The following CLSPN variants were observed in gnomAD, a reference collection of about 807,000 sequenced individuals.
CLSPN encodes claspin homolog.
In CLSPN, 85 loss-of-function variants were observed where a neutral mutation model predicts 156.3. The ratio of observed to expected loss-of-function variants is 0.54; its 90% CI spans 0.46 to 0.65. The LOEUF (loss-of-function observed/expected upper bound fraction) is 0.65, where lower values mean the gene tolerates loss of function less well. Among genes scored for constraint, CLSPN ranks in the 30% least tolerant of loss-of-function variants. The probability of loss-of-function intolerance (pLI) is 0.00; values close to 1 mark genes in which losing one functional copy is unlikely to be tolerated. For synonymous variants in CLSPN, 534 were observed against 542.4 expected, an observed-to-expected ratio of 0.98 and a Z score of 0.22; for missense variants, 1,407 against 1,554.9, an observed-to-expected ratio of 0.90 and a Z score of 1.60.
intron 18 of CLSPN, among the ~76,000 whole-genome samples, chr1:35,740,521 T>C (rs1571196575): frequency 1.3e-5 from 2 of 151,504 alleles, no homozygotes; most frequent in South Asian, 4.2e-4. Flanking sequence ...TGGGTTCAAG[T>C]GATTCTCATG....
intron 8 of CLSPN, 114 bp from the exon 9 acceptor site, chr1:35,754,050 A>G: frequency 1.1e-6 from 1 of 883,892 alleles, no homozygotes; most frequent in Non-Finnish European, 1.7e-6. Flanking sequence ...CCACACATAC[A>G]CAGAGAAACC....
At position 35,745,559 on chromosome 1, in the gene CLSPN, G is replaced by C; in HGVS notation, c.2858C>G (p.Ala953Gly). The change falls in exon 16 of 25, where the codon GCC (alanine) becomes GGC (glycine). Residue 953 changes from alanine to glycine, a missense_variant. Ala to Gly is a moderately conservative substitution (Grantham distance 60). Around this residue, in one of 3 missense-constraint regions of CLSPN, gnomAD observed 1,096 missense variants for 1,193.0 expected, o/e 0.92. Transcript: ENST00000318121. ...TAACTCTGATGAGGCTGGAGTGGAGGCATCTACATCACAACAAGGAAAAGA... is the reference window on the plus strand; with the variant it reads ...TAACTCTGATGAGGCTGGAGTGGAGCCATCTACATCACAACAAGGAAAAGA... ...LCSGKFTSQDASTPASSELNK... is the reference protein window; with the variant it reads ...LCSGKFTSQDGSTPASSELNK... 6.2e-7 allele frequency: 1 copy of C among 1,602,180 alleles called. No homozygotes were observed. Among genetic ancestry groups the C allele is most frequent in the Non-Finnish European group, 8.6e-7 (1 of 1,169,196 alleles).
chr1:35,745,328 A>G (rs1351124831), intron 16 of CLSPN, 123 bp downstream of exon 16: 6 of 674,562 alleles, frequency 8.9e-6, no homozygotes, highest in African/African-American at 3.6e-5. Flanking sequence ...CTTACTAGGC[A>G]TATATGAGAC....
At chr1:35,761,499 C>A (rs1642476423) in intron 6 of CLSPN, among the ~76,000 whole-genome samples, 1 of 152,140 alleles carries the variant, frequency 6.6e-6, no homozygotes, top group South Asian at 2.1e-4. Flanking sequence ...ACAGTAGTCC[C>A]CGCTTATCCA....
chr1:35,720,606 G>A lies in CLSPN; in HGVS notation c.*285C>T, dbSNP rs764651133. ...CTGGGATTACAGGTGCATGCATCAC[G>A]TCAGCTAATTTTTGTATTTTTAGTA... On this transcript the variant is annotated 3_prime_UTR_variant, in exon 25 of 25. Coordinates refer to the CLSPN transcript ENST00000251195. The A allele has an allele frequency of 7.5e-5, 14 of 185,910 alleles. No individual in the cohort carries two copies. In the East Asian group the frequency reaches 1.2e-3, roughly 16 times the overall value. The allele number at this position is 185,910 out of a possible 1,614,324, so 11.5% of individuals were successfully genotyped here.
In CLSPN at chr1:35,748,017, G is replaced by C; in HGVS notation, c.2517C>G (p.Ser839=). 6.2e-7 allele frequency: 1 copy of C among 1,614,082 alleles called. No individual in the cohort carries two copies. Among genetic ancestry groups the C allele is most frequent in the Non-Finnish European group, 8.5e-7 (1 of 1,179,994 alleles). Reference sequence around the variant, plus strand: ...CTGGGGAGGCGTTATACAGATCCTGGGAATCCTCTATGGGAAGTGAAGGCT... The same window carrying C: ...CTGGGGAGGCGTTATACAGATCCTGCGAATCCTCTATGGGAAGTGAAGGCT... ...LSEPSLPIED[S]QDLYNASPEP... The change falls in exon 14 of 25, where the codon TCC becomes TCG. Residue 839 remains serine, a synonymous_variant. Transcript: ENST00000318121.
At chr1:35,768,060 G>A (rs547566481) in intron 1 of CLSPN, among the ~76,000 whole-genome samples, 12 of 152,246 alleles carry the variant, frequency 7.9e-5, no homozygotes, top group African/African-American at 2.9e-4. Flanking sequence ...GGCCTCAGCT[G>A]AGTGGTTTCT....
At chr1:35,758,535 C>T (rs1642361474) in intron 8 of CLSPN, among the ~76,000 whole-genome samples, 1 of 151,998 alleles carries the variant, frequency 6.6e-6, no homozygotes. Flanking sequence ...ATCCCAGCTA[C>T]TTGAGAGCCT....
Position 35,734,613 on chromosome 1 carries a change from G to A in CLSPN, c.*1883C>T. The A allele has an allele frequency of 4.7e-6, 2 of 428,808 alleles. No individual in the cohort carries two copies. The highest frequency in any genetic ancestry group is 6.2e-6 in the Non-Finnish European group (2 of 323,802). 26.6% of individuals were successfully genotyped at this position (428,808 alleles called of 1,614,324 possible). On this transcript the variant is annotated 3_prime_UTR_variant, in exon 25 of 25. Coordinates refer to ENST00000318121, the MANE Select transcript of CLSPN (RefSeq NM_022111.4). ...GAATTGCTTGAACCTAGGAGGCGGA[G>A]GTTGCAGTAAGCCGAGATCATGCCA...
In CLSPN at chr1:35,764,555, G is replaced by C. The variant is rs143114239; in HGVS notation, c.293C>G (p.Thr98Arg). 6.2e-7 allele frequency: 1 copy of C among 1,613,572 alleles called. No homozygotes were observed. Among genetic ancestry groups the C allele is most frequent in the Non-Finnish European group, 8.5e-7 (1 of 1,179,940 alleles). The part of the protein sequence containing the change: ...NKENLYAGKN[T>R]KIKRIYKTVA... ...AGTTTTGTAAATCCTTTTGATTTTT[G>C]TATTTTTCCCAGCATATAAATTCTC... is the stretch of plus-strand genomic sequence containing the variant. Residue 98 changes from threonine (T) to arginine (R), a missense_variant, in exon 3 of 25, where the codon ACA becomes AGA. Physicochemically the swap from Thr to Arg is moderately conservative, Grantham distance 71 (BLOSUM62 -1). Coordinates refer to ENST00000318121, the MANE Select transcript of CLSPN (RefSeq NM_022111.4).
Position 35,732,365 on chromosome 1 carries a change from A to G in CLSPN, c.*4131T>C. 3.0e-6 allele frequency: 3 copies of G among 985,344 alleles called. No homozygotes were observed. Among genetic ancestry groups the G allele is most frequent in the Non-Finnish European group, 3.6e-6 (3 of 829,908 alleles). The allele number at this position is 985,344 out of a possible 1,614,324, so 61.0% of individuals were successfully genotyped here. ...ATAAAAACCAAAAACACCCCCTAAAAAGTCTCCCAGCCTGAGCATTAGAAA... is the reference window on the plus strand; with the variant it reads ...ATAAAAACCAAAAACACCCCCTAAAGAGTCTCCCAGCCTGAGCATTAGAAA... On this transcript the variant is annotated 3_prime_UTR_variant, in exon 25 of 25. Coordinates refer to ENST00000318121, the MANE Select transcript of CLSPN (RefSeq NM_022111.4).
chr1:35,752,339 C>A (rs1400812137), intron 9 of CLSPN, among the ~76,000 whole-genome samples: 3 of 151,936 alleles, frequency 2.0e-5, no homozygotes, highest in Non-Finnish European at 4.4e-5. Context: ...CAGCACTTTG[C>A]GGGGCCAAGG....
Position 35,726,152 on chromosome 1 carries a change from C to CAAAAAAAAAAAAAAAAAAAA in CLSPN, c.3910-5192_3910-5173dup, listed in dbSNP as rs3041363. On this transcript the variant is annotated intron_variant, in intron 24 of 24. Coordinates refer to the CLSPN transcript ENST00000251195. ...ACACACCCATAGAAACAGATGCAGA[C>CAAAAAAAAAAAAAAAAAAAA]AAAAAAAAAAAAAAAAAAAAAAAGC... is the stretch of plus-strand genomic sequence containing the variant. Among the ~76,000 whole-genome samples, 37 of 48,202 alleles carry CAAAAAAAAAAAAAAAAAAAA rather than the reference C, an allele frequency of 7.7e-4. 13 individuals are homozygous for CAAAAAAAAAAAAAAAAAAAA. The highest frequency in any genetic ancestry group is 1.1e-3 in the Admixed American group (3 of 2,708). The allele number at this position is 48,202 out of a possible 152,430, so 31.6% of individuals were successfully genotyped here.
Position 35,734,399 on chromosome 1 carries a change from G to A in CLSPN, c.*2097C>T. ...AGTATTAGAAAACTGTAGAAAACCG[G>A]CCGGGTGCGGTGGCTCATGCCTATA... is the stretch of plus-strand genomic sequence containing the variant. On this transcript the variant is annotated 3_prime_UTR_variant, in exon 25 of 25. Transcript: ENST00000318121. The A allele has an allele frequency of 1.0e-6, 1 of 985,140 alleles. No individual in the cohort carries two copies. Among genetic ancestry groups the A allele is most frequent in the Non-Finnish European group, 1.2e-6 (1 of 829,752 alleles). 61.0% of individuals were successfully genotyped at this position (985,140 alleles called of 1,614,324 possible). A position where few individuals can be genotyped will look rare whatever the true frequency, so the allele number is the denominator to read the frequency against.
intron 4 of CLSPN, among the ~76,000 whole-genome samples, 181 bp downstream of exon 4, chr1:35,762,976 AAAG>A (rs1164121540): frequency 6.6e-6 from 1 of 152,090 alleles, no homozygotes; most frequent in Non-Finnish European, 1.5e-5. Context: ...ACTAGTTTCC[AAAG>A]AAGTTAGCAT....
chr1:35,769,855 C>G lies in CLSPN; in HGVS notation c.16G>C (p.Gly6Arg). Residue 6 changes from glycine (G) to arginine (R), a missense_variant, in exon 1 of 25, where the codon GGT becomes CGT. This residue lies in a region of CLSPN where 1,096 missense variants were observed against 1,193.0 expected (regional missense o/e 0.92). Coordinates refer to ENST00000318121, the MANE Select transcript of CLSPN (RefSeq NM_022111.4). ...CGTGTGCATAAACTCACCTCAGAAC[C>G]CACCTCGCCTGTCATGACTTCTGCC... MTGEV[G>R]SEVHLEINDP... The G allele has an allele frequency of 1.2e-6, 2 of 1,607,854 alleles. No individual in the cohort carries two copies. Among genetic ancestry groups the G allele is most frequent in the African/African-American group, 1.3e-5 (1 of 74,758 alleles).
In CLSPN at chr1:35,743,695, C is replaced by T. The variant is rs1641778024; in HGVS notation, c.2967-165G>A. 1.0e-5 allele frequency: 6 copies of T among 599,886 alleles called. No individual in the cohort carries two copies. The South Asian group carries it at 1.2e-4, about 12-fold the overall frequency. The allele number at this position is 599,886 out of a possible 1,614,324, so 37.2% of individuals were successfully genotyped here. A position where few individuals can be genotyped will look rare whatever the true frequency, so the allele number is the denominator to read the frequency against. ...CTGGAATACAGTGGCACCATCTCAG[C>T]TCACTGTAACCTCCACCTCCAGGGC... On this transcript the variant is annotated intron_variant, in intron 16 of 24. Transcript: ENST00000318121.
intron 23 of CLSPN, 90 bp downstream of exon 23, chr1:35,737,249 C>T: frequency 7.6e-7 from 1 of 1,307,786 alleles, no homozygotes; most frequent in South Asian, 1.2e-5. Context: ...CCACCTCCTT[C>T]CTCTAATGAC....
At chr1:35,741,190 G>C (rs1641677796) in intron 18 of CLSPN, among the ~76,000 whole-genome samples, 1 of 151,964 alleles carries the variant, frequency 6.6e-6, no homozygotes, top group African/African-American at 2.4e-5. Context: ...TATACATATA[G>C]AAAGATTGTA....
Sources: gnomAD v4.1 joint callset for allele counts (sites outside exome capture counted in the v4.1 genomes callset) on GRCh38, gnomAD v4.1.1 for gene constraint, gnomAD v4.1.1 regional missense constraint, MANE v1.5 for transcripts, NCBI Gene and HGNC (gene_info 2026-07-23, HGNC 2026-07-21) for gene names.